DAB1: variants seen among roughly 807,000 people sequenced by gnomAD.
The protein encoded by DAB1 is DAB adaptor protein 1, also known as disabled homolog 1.
DAB1 carries 15 observed loss-of-function variants against 64.6 expected under a neutral mutation model. That is an observed-to-expected ratio of 0.23 (90% CI 0.16 to 0.36). The LOEUF is 0.36. DAB1 is among the 10% of genes least tolerant of loss of function. The pLI is 1.00. For missense variants in DAB1, 596 were observed against 706.7 expected (o/e 0.84, Z 1.78); for synonymous variants, 235 against 251.9 (o/e 0.93, Z 0.64).
chr1:58,282,398 G>C (rs979550124), intron 4 of DAB1, among the ~76,000 whole-genome samples: 4 of 152,106 alleles, frequency 2.6e-5, no homozygotes, highest in Admixed American at 2.0e-4. Context: ...ATCATATAAT[G>C]TGTTACCATG....
chr1:57,764,327 C>A lies in DAB1; in HGVS notation n.552-114662G>T, dbSNP rs565837191. 1.3e-4 allele frequency among the ~76,000 whole-genome samples: 20 copies of A among 152,084 alleles called. No homozygotes were observed. The South Asian group carries it at 2.5e-3, about 19-fold the overall frequency. The stretch of plus-strand genomic sequence containing the variant: ...TTTAATTAACACACAATAATTGTAC[C>A]TATTTATGGGCCACCTTGTCATGTG... On this transcript the variant is annotated intron_variant and non_coding_transcript_variant, in intron 6 of 20. Transcript: ENST00000485760.
At chr1:57,492,894 T>C (rs1279973020) in intron 7 of DAB1, among the ~76,000 whole-genome samples, 1 of 152,136 alleles carries the variant, frequency 6.6e-6, no homozygotes, top group Admixed American at 6.6e-5. Context: ...TTGACTTTGC[T>C]TGGAGAAATT....
chr1:57,947,951 C>T (rs894325151), intron 5 of DAB1, among the ~76,000 whole-genome samples: 1 of 152,148 alleles, frequency 6.6e-6, no homozygotes, highest in Non-Finnish European at 1.5e-5. Flanking sequence ...CCTTCTGTAG[C>T]CTCCTCTCCA....
intron 1 of DAB1, among the ~76,000 whole-genome samples, chr1:57,382,761 G>A (rs1169589055): frequency 6.6e-6 from 1 of 152,112 alleles, no homozygotes; most frequent in African/African-American, 2.4e-5. Context: ...GGTCCACCTT[G>A]ATAATCCAAG....
intron 6 of DAB1, among the ~76,000 whole-genome samples, chr1:57,765,747 C>T (rs1649282762): frequency 6.6e-6 from 1 of 152,110 alleles, no homozygotes; most frequent in African/African-American, 2.4e-5. Context: ...TCCATGATGC[C>T]ACTCTCTTGA....
At position 57,295,189 on chromosome 1, in the gene DAB1, C is replaced by A. The variant is rs1024506724; in HGVS notation, c.-136-4023G>T. Reference sequence around the variant, plus strand: ...CACAACATCATGACTATAATAAATACCACTTTAAAATGGTTAATTTTATGT... The same window carrying A: ...CACAACATCATGACTATAATAAATAACACTTTAAAATGGTTAATTTTATGT... On this transcript the variant is annotated intron_variant, in intron 1 of 14. Transcript: ENST00000371236. 2.0e-5 allele frequency among the ~76,000 whole-genome samples: 3 copies of A among 152,186 alleles called. No individual in the cohort carries two copies. In the South Asian group the frequency reaches 6.2e-4, roughly 32 times the overall value.
chr1:57,747,178 C>T (rs769310800), intron 6 of DAB1, among the ~76,000 whole-genome samples: 2 of 152,146 alleles, frequency 1.3e-5, no homozygotes, highest in Non-Finnish European at 2.9e-5. Flanking sequence ...TGGTTTTTGA[C>T]ATTTAAGTTC....
intron 1 of DAB1, among the ~76,000 whole-genome samples, chr1:57,329,902 T>C (rs1300703506): frequency 6.6e-6 from 1 of 152,208 alleles, no homozygotes; most frequent in Non-Finnish European, 1.5e-5. Context: ...GTATAACATA[T>C]GATATTCATT....
rs1659020010 is a variant in DAB1 at position 57,145,405 on chromosome 1, A to G, written c.92T>C (p.Leu31Ser). The G allele has an allele frequency of 6.2e-7, 1 of 1,613,942 alleles. No homozygotes were observed. The highest frequency in any genetic ancestry group is 8.5e-7 in the Non-Finnish European group (1 of 1,179,938). The change falls in exon 3 of 15, where the codon TTG becomes TCG. Residue 31 changes from leucine (L) to serine (S), a missense_variant. Leu to Ser is a moderately radical substitution (Grantham distance 145). This residue lies in a region of DAB1 where 43 missense variants were observed against 39.6 expected (regional missense o/e 1.09). Coordinates refer to ENST00000371236, the MANE Select transcript of DAB1 (RefSeq NM_001365792.1). ...KKGQDRSEAT[L>S]IKRFKGEGVR... ...CCCTTCACCTTTAAACCTCTTTATC[A>G]AAGTGGCTTCACTGCGATCCTGACC... is the stretch of plus-strand genomic sequence containing the variant.
chr1:58,527,936 G>A (rs1400157402), intron 1 of DAB1, among the ~76,000 whole-genome samples: 1 of 152,128 alleles, frequency 6.6e-6, no homozygotes, highest in Non-Finnish European at 1.5e-5. Flanking sequence ...GTATTTATGT[G>A]AATGCTTTCC....
intron 3 of DAB1, among the ~76,000 whole-genome samples, chr1:58,469,635 A>T (rs2100327198): frequency 6.6e-6 from 1 of 152,182 alleles, no homozygotes; most frequent in African/African-American, 2.4e-5. Context: ...GATTAATCTC[A>T]CTCTAGGGCT....
intron 5 of DAB1, among the ~76,000 whole-genome samples, chr1:57,927,884 C>T (rs1200044630): frequency 6.6e-6 from 1 of 152,180 alleles, no homozygotes; most frequent in Non-Finnish European, 1.5e-5. Context: ...ACACTCACTA[C>T]TAAATATTTT....
chr1:57,770,793 T>G (rs139672344), intron 6 of DAB1, among the ~76,000 whole-genome samples: 1 of 152,204 alleles, frequency 6.6e-6, no homozygotes, highest in African/African-American at 2.4e-5. Flanking sequence ...TTACAGTGTA[T>G]TATTATAGTA....
At chr1:57,049,450 CAAAAAAAAAAAAAAA>C (rs574438911) in intron 9 of DAB1, among the ~76,000 whole-genome samples, 74 of 24,588 alleles carry the variant, frequency 3.0e-3, no homozygotes, top group Non-Finnish European at 4.9e-3. Context: ...GACTCCGTCT[CAAAAAAAAAAAAAAA>C]AAAAAAAAAA....
At chr1:58,485,228 TAAAAAAAAA>T (rs71043289) in intron 3 of DAB1, among the ~76,000 whole-genome samples, 5 of 42,060 alleles carry the variant, frequency 1.2e-4, no homozygotes, top group African/African-American at 3.9e-4. Flanking sequence ...AGTCTACTAC[TAAAAAAAAA>T]AAAAAAAAAA....
chr1:57,599,834 T>C (rs1381092004), intron 7 of DAB1, among the ~76,000 whole-genome samples: 1 of 152,188 alleles, frequency 6.6e-6, no homozygotes, highest in Admixed American at 6.5e-5. Context: ...CCCAGCCTCA[T>C]TGCTCAGATA....
At chr1:57,729,687 A>G (rs1647327058) in intron 6 of DAB1, among the ~76,000 whole-genome samples, 1 of 152,198 alleles carries the variant, frequency 6.6e-6, no homozygotes, top group African/African-American at 2.4e-5. Flanking sequence ...CCCTGCCTGT[A>G]TTATTTCTGC....
intron 4 of DAB1, among the ~76,000 whole-genome samples, chr1:57,098,724 C>T (rs1654399580): frequency 2.0e-5 from 3 of 151,926 alleles, no homozygotes; most frequent in African/African-American, 7.3e-5. Context: ...ATGATGGGGC[C>T]CATTTCGATA....
At chr1:57,887,470 T>C (rs1421751190), upstream of DAB1, among the ~76,000 whole-genome samples, 1 of 152,230 alleles carries the variant, frequency 6.6e-6, no homozygotes, top group African/African-American at 2.4e-5. Context: ...AGTCCTTCAA[T>C]CTGCCAGTCA....
Sources: gnomAD v4.1 joint callset for allele counts (sites outside exome capture counted in the v4.1 genomes callset) on GRCh38, gnomAD v4.1.1 for gene constraint, gnomAD v4.1.1 regional missense constraint, MANE v1.5 for transcripts, NCBI Gene and HGNC (gene_info 2026-07-23, HGNC 2026-07-21) for gene names.